SUGCT: variants seen among roughly 807,000 people sequenced by gnomAD.
The protein encoded by SUGCT is succinyl-CoA:glutarate CoA-transferase.
In SUGCT, 41 loss-of-function variants were observed where a neutral mutation model predicts 55.0. The ratio of observed to expected loss-of-function variants is 0.74; its 90% CI spans 0.58 to 0.97. The LOEUF (loss-of-function observed/expected upper bound fraction) is 0.97, where lower values mean the gene tolerates loss of function less well. Among genes scored for constraint, SUGCT ranks in the 50% least tolerant of loss-of-function variants. The pLI, the probability that SUGCT is intolerant of heterozygous loss-of-function variation, is 0.00. For synonymous variants in SUGCT, 187 were observed against 200.4 expected (o/e 0.93, Z 0.56); for missense variants, 568 against 547.8 (o/e 1.04, Z -0.37).
intron 8 of SUGCT, among the ~76,000 whole-genome samples, chr7:40,277,486 A>G (rs891636636): frequency 6.6e-6 from 1 of 152,028 alleles, no homozygotes; most frequent in Non-Finnish European, 1.5e-5. Context: ...CACTGCACCC[A>G]GCCAGAGCCA....
intron 6 of SUGCT, among the ~76,000 whole-genome samples, chr7:40,202,859 C>T (rs1184664568): frequency 6.6e-6 from 1 of 152,226 alleles, no homozygotes; most frequent in East Asian, 1.9e-4. Flanking sequence ...CTGCTTTCCT[C>T]ATGGTGAACT....
At chr7:40,713,374 G>A (rs1378367532) in intron 12 of SUGCT, among the ~76,000 whole-genome samples, 2 of 152,178 alleles carry the variant, frequency 1.3e-5, no homozygotes, top group Non-Finnish European at 2.9e-5. Context: ...TCTAAGTCCT[G>A]TAGGTATGAT....
chr7:40,554,383 T>C (rs960717702), intron 12 of SUGCT, among the ~76,000 whole-genome samples: 1 of 152,214 alleles, frequency 6.6e-6, no homozygotes, highest in Non-Finnish European at 1.5e-5. Context: ...AGGGAATGAA[T>C]CTTTTTGTAG....
the SUGCT span, among the ~76,000 whole-genome samples, chr7:40,920,160 T>C: frequency 2.6e-5 from 4 of 152,192 alleles, no homozygotes; most frequent in African/African-American, 4.8e-5. Flanking sequence ...TCTCCACTTA[T>C]GACCTTGTGT....
At chr7:40,512,786 C>T (rs1793005521) in intron 12 of SUGCT, among the ~76,000 whole-genome samples, 1 of 151,876 alleles carries the variant, frequency 6.6e-6, no homozygotes, top group Non-Finnish European at 1.5e-5. Context: ...ATGAGAAACT[C>T]AGGTTGTATG....
intron 9 of SUGCT, among the ~76,000 whole-genome samples, chr7:40,342,777 G>A (rs943868200): frequency 1.6e-4 from 25 of 152,008 alleles, no homozygotes; most frequent in African/African-American, 6.0e-4. Flanking sequence ...CAAGTAGCTG[G>A]GATTACAGGC....
intron 9 of SUGCT, among the ~76,000 whole-genome samples, chr7:40,448,953 T>C (rs1416811330): frequency 1.4e-5 from 2 of 138,988 alleles, no homozygotes; most frequent in East Asian, 3.9e-4. Context: ...TGTGTGTGTA[T>C]ATATATATAG....
At chr7:41,011,943 G>A in the SUGCT span, among the ~76,000 whole-genome samples, 49 of 151,916 alleles carry the variant, frequency 3.2e-4, no homozygotes, top group African/African-American at 7.5e-4. Flanking sequence ...CCTCAATCAC[G>A]CCCAGTTCCC....
intron 12 of SUGCT, among the ~76,000 whole-genome samples, chr7:40,600,112 T>C (rs1319102200): frequency 6.6e-6 from 1 of 152,196 alleles, no homozygotes; most frequent in Non-Finnish European, 1.5e-5. Flanking sequence ...TTGAAAGCAG[T>C]CTGTTCTGCC....
chr7:40,334,929 A>G (rs920865509), intron 9 of SUGCT, among the ~76,000 whole-genome samples: 6 of 152,184 alleles, frequency 3.9e-5, no homozygotes, highest in Non-Finnish European at 5.9e-5. Context: ...TAATTTTTGT[A>G]TAAGGCGTAA....
chr7:40,769,301 A>AT (rs1032569039), intron 13 of SUGCT, among the ~76,000 whole-genome samples: 54 of 152,254 alleles, frequency 3.5e-4, no homozygotes, highest in Middle Eastern at 6.8e-3. Flanking sequence ...CTAATCCGGG[A>AT]TTTTTACCTG....
the SUGCT span, among the ~76,000 whole-genome samples, chr7:41,026,205 GGGCCTCCCATATTATGTA>G: frequency 6.6e-6 from 1 of 152,124 alleles, no homozygotes; most frequent in Non-Finnish European, 1.5e-5. Flanking sequence ...ATTTTGCACT[GGGCCTCCCATATTATGTA>G]GCCAGTCCTA....
At position 40,252,427 on chromosome 7, in the gene SUGCT, T is replaced by C. The variant is rs137923889; in HGVS notation, c.576+14701T>C. Among the ~76,000 whole-genome samples the C allele has an allele frequency of 9.3e-3, 1,420 of 152,126 alleles. 15 individuals carry two copies. The highest frequency in any genetic ancestry group is 0.032 in the African/African-American group (1,346 of 41,510). Reference sequence around the variant, plus strand: ...CGCCACTGTGCCTGGCCCAAAAAACTCTGTTTTTTATTGTGATAAATGTTT... The same window carrying C: ...CGCCACTGTGCCTGGCCCAAAAAACCCTGTTTTTTATTGTGATAAATGTTT... On this transcript the variant is annotated intron_variant, in intron 7 of 13. Transcript: ENST00000335693.
intron 13 of SUGCT, among the ~76,000 whole-genome samples, chr7:40,788,466 C>A (rs1267999378): frequency 6.6e-6 from 1 of 152,142 alleles, no homozygotes; most frequent in Non-Finnish European, 1.5e-5. Flanking sequence ...ATAAAAGCTT[C>A]AAAAGCAGTT....
intron 12 of SUGCT, among the ~76,000 whole-genome samples, chr7:40,535,954 C>T (rs932283530): frequency 5.9e-5 from 9 of 151,968 alleles, no homozygotes; most frequent in African/African-American, 1.7e-4. Flanking sequence ...GTTTGTTGGC[C>T]GCTTATATGT....
In SUGCT at chr7:40,188,281, A is replaced by G. The variant is rs1785659254; in HGVS notation, c.227-214A>G. On this transcript the variant is annotated intron_variant, in intron 3 of 13. Coordinates refer to ENST00000335693, the MANE Select transcript of SUGCT (RefSeq NM_001193313.2). ...AAATCCTGTCTCTACTAAAAATACAAAAATTAGCCAGGTATGGTGGTGCAC... is the reference window on the plus strand; with the variant it reads ...AAATCCTGTCTCTACTAAAAATACAGAAATTAGCCAGGTATGGTGGTGCAC... Among the ~76,000 whole-genome samples, 2 of 151,960 alleles carry G rather than the reference A, an allele frequency of 1.3e-5. 1 individual carries two copies. Among genetic ancestry groups the G allele is most frequent in the South Asian group, 4.1e-4 (2 of 4,822 alleles).
intron 12 of SUGCT, among the ~76,000 whole-genome samples, chr7:40,558,989 G>C (rs1422260528): frequency 1.3e-5 from 2 of 152,114 alleles, no homozygotes; most frequent in Admixed American, 1.3e-4. Context: ...AAAAAATGCT[G>C]TATGTAAATA....
chr7:40,653,275 A>G (rs1486195020), intron 12 of SUGCT, among the ~76,000 whole-genome samples: 5 of 152,224 alleles, frequency 3.3e-5, no homozygotes, highest in African/African-American at 1.2e-4. Flanking sequence ...GAACACTTGA[A>G]TGTGTAACTA....
At chr7:40,528,929 A>C (rs78617670) in intron 12 of SUGCT, among the ~76,000 whole-genome samples, 1 of 152,184 alleles carries the variant, frequency 6.6e-6, no homozygotes, top group African/African-American at 2.4e-5. Context: ...TGCAAAAGCC[A>C]TGCTTTTTTG....
Sources: gnomAD v4.1 joint callset for allele counts (sites outside exome capture counted in the v4.1 genomes callset) on GRCh38, gnomAD v4.1.1 for gene constraint, MANE v1.5 for transcripts, NCBI Gene and HGNC (gene_info 2026-07-23, HGNC 2026-07-21) for gene names.